Variants in BICD1 observed in about 807,000 individuals in gnomAD.
BICD1 encodes the protein protein bicaudal D homolog 1.
In BICD1, 35 loss-of-function variants were observed where a neutral mutation model predicts 92.5. The ratio of observed to expected loss-of-function variants is 0.38; its 90% CI spans 0.29 to 0.50. BICD1 has a LOEUF of 0.50. Among genes scored for constraint, BICD1 ranks in the 20% least tolerant of loss-of-function variants. The pLI is 0.93. For missense variants in BICD1, 950 were observed against 1,189.8 expected (o/e 0.80, Z 2.97); for synonymous variants, 429 against 465.1 (o/e 0.92, Z 1.00).
intron 8 of BICD1, among the ~76,000 whole-genome samples, chr12:32,357,012 C>CTTTTT (rs35643247): frequency 1.5e-5 from 2 of 129,538 alleles, no homozygotes; most frequent in African/African-American, 2.9e-5. Flanking sequence ...GATTCTCCTG[C>CTTTTT]TTTTTTTTTT....
intron 1 of BICD1, among the ~76,000 whole-genome samples, chr12:32,111,578 T>C (rs569580855): frequency 3.8e-4 from 58 of 152,312 alleles, no homozygotes; most frequent in Non-Finnish European, 7.2e-4. Context: ...CTATGATTTT[T>C]AACTTCTCTC....
At chr12:32,306,143 C>T (rs780741207) in intron 4 of BICD1, 21 bp downstream of exon 4, 3 of 1,535,782 alleles carry the variant, frequency 2.0e-6, no homozygotes, top group South Asian at 2.6e-5. Flanking sequence ...TGTTTAGGGC[C>T]GCTAGAGTGA....
intron 1 of BICD1, among the ~76,000 whole-genome samples, chr12:32,190,704 A>T (rs1039213932): frequency 3.9e-5 from 6 of 152,216 alleles, no homozygotes; most frequent in Admixed American, 6.5e-5. Context: ...ACAGAAAATC[A>T]ATGAGGAAAC....
At chr12:32,190,889 C>T (rs963540458) in intron 1 of BICD1, among the ~76,000 whole-genome samples, 7 of 152,192 alleles carry the variant, frequency 4.6e-5, no homozygotes, top group Non-Finnish European at 2.9e-5. Context: ...TTGGAATCAT[C>T]TCCAGTACCT....
At chr12:32,219,173 G>A (rs1592497658) in intron 2 of BICD1, among the ~76,000 whole-genome samples, 2 of 152,292 alleles carry the variant, frequency 1.3e-5, no homozygotes, top group African/African-American at 2.4e-5. Flanking sequence ...GACAGATGCT[G>A]TGTCTCTAAG....
At chr12:32,192,913 T>G (rs767481695) in intron 1 of BICD1, among the ~76,000 whole-genome samples, 2 of 152,216 alleles carry the variant, frequency 1.3e-5, no homozygotes, top group Non-Finnish European at 2.9e-5. Flanking sequence ...GGATAAAATG[T>G]GAATGAATGA....
intron 2 of BICD1, among the ~76,000 whole-genome samples, chr12:32,244,881 C>T (rs1043344416): frequency 1.3e-5 from 2 of 152,124 alleles, no homozygotes; most frequent in African/African-American, 4.8e-5. Context: ...CCTGCCTTGG[C>T]CTCCCAAAGT....
chr12:32,173,338 C>G (rs1421679278), intron 1 of BICD1, among the ~76,000 whole-genome samples: 1 of 152,216 alleles, frequency 6.6e-6, no homozygotes, highest in Non-Finnish European at 1.5e-5. Context: ...GCCTGAGCCA[C>G]CGTGCCCGGC....
chr12:32,347,086 G>T (rs1938661709), intron 8 of BICD1, among the ~76,000 whole-genome samples: 1 of 150,944 alleles, frequency 6.6e-6, no homozygotes, highest in South Asian at 2.1e-4. Context: ...CAACTAGCTA[G>T]GATTACAGGT....
chr12:32,255,094 C>T (rs1946679430), intron 2 of BICD1, among the ~76,000 whole-genome samples: 1 of 152,116 alleles, frequency 6.6e-6, no homozygotes, highest in African/African-American at 2.4e-5. Context: ...TTGGTTCCTG[C>T]TGAGGGCCCT....
At chr12:32,147,251 A>G (rs1356341265) in intron 1 of BICD1, among the ~76,000 whole-genome samples, 1 of 152,140 alleles carries the variant, frequency 6.6e-6, no homozygotes, top group Admixed American at 6.5e-5. Flanking sequence ...TTTCAAGAAC[A>G]AGAGAGACCA....
In BICD1 at chr12:32,127,429, G is replaced by T. The variant is rs550293764; in HGVS notation, c.213+19885G>T. Among the ~76,000 whole-genome samples, 7 of 152,180 alleles carry T rather than the reference G, an allele frequency of 4.6e-5. No individual in the cohort carries two copies. The South Asian group carries it at 1.2e-3, about 27-fold the overall frequency. ...CAGTACCACAGGTTACTGAACAGTT[G>T]ATCTTTCCTGCACTAATTTCCAATG... On this transcript the variant is annotated intron_variant, in intron 1 of 9. Transcript: ENST00000652176.
intron 1 of BICD1, among the ~76,000 whole-genome samples, chr12:32,129,593 A>G: frequency 6.6e-6 from 1 of 151,582 alleles, no homozygotes; most frequent in East Asian, 1.9e-4. Context: ...CTGGTCTCAA[A>G]CTCTGGGCTC....
At chr12:32,269,479 G>T (rs924333510) in intron 2 of BICD1, among the ~76,000 whole-genome samples, 7 of 152,094 alleles carry the variant, frequency 4.6e-5, no homozygotes, top group African/African-American at 1.7e-4. Flanking sequence ...ATGCAAAAAA[G>T]CATTTTTACT....
At chr12:32,202,173 T>C (rs1944921892) in intron 1 of BICD1, among the ~76,000 whole-genome samples, 1 of 152,184 alleles carries the variant, frequency 6.6e-6, no homozygotes, top group African/African-American at 2.4e-5. Flanking sequence ...AGAGGAAGCA[T>C]GGACAGCTGC....
chr12:32,156,801 T>C (rs981434693), intron 1 of BICD1, among the ~76,000 whole-genome samples: 12 of 152,204 alleles, frequency 7.9e-5, no homozygotes, highest in Non-Finnish European at 1.2e-4. Context: ...CTTGGAACAA[T>C]CCTAGAAGCA....
chr12:32,317,378 G>A (rs1333454527), intron 4 of BICD1, among the ~76,000 whole-genome samples: 1 of 152,162 alleles, frequency 6.6e-6, no homozygotes, highest in East Asian at 1.9e-4. Flanking sequence ...GTTGTTTCCT[G>A]ACTTTTTAAT....
chr12:32,237,048 T>C (rs1946094364), intron 2 of BICD1, among the ~76,000 whole-genome samples: 1 of 151,988 alleles, frequency 6.6e-6, no homozygotes, highest in Non-Finnish European at 1.5e-5. Flanking sequence ...CTAATTTTTT[T>C]GTATTTTTAA....
intron 8 of BICD1, among the ~76,000 whole-genome samples, chr12:32,342,316 G>A (rs139838260): frequency 0.015 from 2,291 of 148,376 alleles, 73 homozygotes; most frequent in African/African-American, 0.055. Flanking sequence ...GTGGAGCGGC[G>A]CAACCTTGGC....
Sources: allele counts gnomAD v4.1 joint callset (sites outside exome capture counted in the v4.1 genomes callset), GRCh38; gene constraint gnomAD v4.1.1; transcripts MANE v1.5; gene names NCBI Gene and HGNC (gene_info 2026-07-23, HGNC 2026-07-21).